Variants in NUP62CL observed in about 807,000 individuals in gnomAD.
NUP62CL encodes nucleoporin 62 C-terminal like.
NUP62CL carries 13 observed loss-of-function variants against 15.3 expected under a neutral mutation model. The ratio of observed to expected loss-of-function variants is 0.85; its 90% CI spans 0.55 to 1.35. The LOEUF is 1.35. Ranked by LOEUF, NUP62CL falls within the 40% of genes most tolerant of loss-of-function variation. The pLI is 0.00. For missense variants in NUP62CL, 123 were observed against 130.6 expected, an observed-to-expected ratio of 0.94 and a Z score of 0.28; for synonymous variants, 54 against 49.2, an observed-to-expected ratio of 1.10 and a Z score of -0.41.
chrX:107,143,242 T>C (rs755605126), intron 8 of NUP62CL, among the ~76,000 whole-genome samples: 2 of 111,981 alleles, frequency 1.8e-5, no homozygotes, highest in South Asian at 7.5e-4. Flanking sequence ...CACGCTTTTT[T>C]ATTAGACACA....
intron 2 of NUP62CL, among the ~76,000 whole-genome samples, chrX:107,179,747 T>G (rs1422664433): frequency 8.9e-6 from 1 of 112,074 alleles, no homozygotes; most frequent in African/African-American, 3.2e-5. Context: ...CAGCGTGGAA[T>G]TGCTAAGTCA....
chrX:107,155,532 G>A (rs1340282036), intron 4 of NUP62CL, among the ~76,000 whole-genome samples: 1 of 111,919 alleles, frequency 8.9e-6, no homozygotes, highest in African/African-American at 3.3e-5. Context: ...GGGCTAAGCG[G>A]GAAGCAGTTT....
rs1926102571 is a variant in NUP62CL at position 107,153,651 on chromosome X, T to C, written c.346-148A>G. 7.2e-6 allele frequency: 3 copies of C among 418,451 alleles called. No individual in the cohort carries two copies. The East Asian group carries it at 1.3e-4, about 18-fold the overall frequency. 34.5% of individuals were successfully genotyped at this position (418,451 alleles called of 1,213,427 possible). On this transcript the variant is annotated intron_variant, in intron 5 of 8. Transcript: ENST00000372466. ...ATTGCCTAAGGAATATACTTTGAGC[T>C]GCTCACCAATATTGGAATAGAAAAT...
At chrX:107,185,454 G>T (rs1454241318) in intron 2 of NUP62CL, among the ~76,000 whole-genome samples, 2 of 111,022 alleles carry the variant, frequency 1.8e-5, no homozygotes, top group Admixed American at 9.6e-5. Flanking sequence ...CATTACAAAT[G>T]GGGAAGGGTT....
rs1344945768 is a variant in NUP62CL, at chrX:107,178,667, A to G, written c.-47-3474T>C. On this transcript the variant is annotated intron_variant, in intron 2 of 8. Coordinates refer to ENST00000372466, the MANE Select transcript of NUP62CL (RefSeq NM_017681.3). ...CAACTGTCATGGTGACAAATGATGT[A>G]AGATTCTGCTATCCAAAACATCTAG... 3.6e-5 allele frequency among the ~76,000 whole-genome samples: 4 copies of G among 112,094 alleles called. No individual in the cohort carries two copies. In the South Asian group the frequency reaches 1.1e-3, roughly 31 times the overall value.
chrX:107,200,799 G>A (rs549348221), intron 1 of NUP62CL, among the ~76,000 whole-genome samples: 34 of 109,200 alleles, frequency 3.1e-4, no homozygotes, highest in African/African-American at 1.1e-3. Flanking sequence ...AGAGGAGAGA[G>A]AGTAAAATAC....
At chrX:107,188,185 G>A (rs1332369181) in intron 2 of NUP62CL, among the ~76,000 whole-genome samples, 1 of 111,811 alleles carries the variant, frequency 8.9e-6, no homozygotes, top group Non-Finnish European at 1.9e-5. Flanking sequence ...TATCCTTCAT[G>A]AACATAAATG....
intron 8 of NUP62CL, among the ~76,000 whole-genome samples, chrX:107,124,567 T>C (rs1180749670): frequency 1.8e-5 from 2 of 110,893 alleles, no homozygotes; most frequent in Non-Finnish European, 3.8e-5. Context: ...CAAATAACTG[T>C]CTAGTTGACA....
rs931855007 is a variant in NUP62CL, at chrX:107,147,727, A to T, written c.*42+16T>A. 3 of 1,027,416 alleles carry T rather than the reference A, an allele frequency of 2.9e-6. No homozygotes were observed. The highest frequency in any genetic ancestry group is 4.1e-6 in the Non-Finnish European group (3 of 728,135). The allele number at this position is 1,027,416 out of a possible 1,213,427, so 84.7% of individuals were successfully genotyped here. On this transcript the variant is annotated intron_variant, in intron 8 of 8. Coordinates refer to ENST00000372466, the MANE Select transcript of NUP62CL (RefSeq NM_017681.3). ...TTGCAATAAATACACAGAGTGGCATACAAGCAAACTCCCACCTGAATTCCG... is the reference window on the plus strand; with the variant it reads ...TTGCAATAAATACACAGAGTGGCATTCAAGCAAACTCCCACCTGAATTCCG...
At chrX:107,141,398 C>A (rs908752196) in intron 8 of NUP62CL, among the ~76,000 whole-genome samples, 1 of 112,094 alleles carries the variant, frequency 8.9e-6, no homozygotes, top group African/African-American at 3.2e-5. Context: ...ATTAACTGCA[C>A]TGGGAACAAC....
intron 8 of NUP62CL, among the ~76,000 whole-genome samples, chrX:107,137,805 T>G: frequency 8.9e-6 from 1 of 111,779 alleles, no homozygotes; most frequent in Non-Finnish European, 1.9e-5. Flanking sequence ...TCTCCCCAAA[T>G]TGATCTATAG....
At chrX:107,195,303 A>G (rs1053626268) in intron 1 of NUP62CL, among the ~76,000 whole-genome samples, 3 of 112,154 alleles carry the variant, frequency 2.7e-5, no homozygotes, top group African/African-American at 9.7e-5. Flanking sequence ...AATCTGATTT[A>G]CTATCTCCTC....
chrX:107,180,515 G>T (rs138914228), intron 2 of NUP62CL, among the ~76,000 whole-genome samples: 173 of 112,121 alleles, frequency 1.5e-3, no homozygotes, highest in African/African-American at 5.3e-3. Context: ...ACTGACTAAT[G>T]TGAAAACATT....
At chrX:107,164,757 T>C (rs1215874817) in intron 4 of NUP62CL, among the ~76,000 whole-genome samples, 1 of 112,620 alleles carries the variant, frequency 8.9e-6, no homozygotes, top group East Asian at 2.8e-4. Flanking sequence ...CCTGAATAGT[T>C]CTAGAACCAC....
At chrX:107,156,088 G>A (rs1179735328) in intron 4 of NUP62CL, among the ~76,000 whole-genome samples, 4 of 110,300 alleles carry the variant, frequency 3.6e-5, no homozygotes, top group Non-Finnish European at 5.7e-5. Flanking sequence ...AAAAAACGGC[G>A]CACGACGAGA....
At chrX:107,206,079 G>T (rs898800569) in intron 1 of NUP62CL, among the ~76,000 whole-genome samples, 194 bp downstream of exon 1, 2 of 110,639 alleles carry the variant, frequency 1.8e-5, no homozygotes, top group Non-Finnish European at 3.8e-5. Flanking sequence ...TGGGGGAGAC[G>T]TGAAAGGCTG....
chrX:107,129,963 C>T (rs1335616287), intron 8 of NUP62CL, among the ~76,000 whole-genome samples: 1 of 111,470 alleles, frequency 9.0e-6, no homozygotes, highest in Non-Finnish European at 1.9e-5. Flanking sequence ...CAAAATTAAA[C>T]TTATAGCAGA....
At chrX:107,135,022 T>C (rs1285567) in intron 8 of NUP62CL, among the ~76,000 whole-genome samples, 40,776 of 110,861 alleles carry the variant, frequency 0.37, 8,119 homozygotes, top group African/African-American at 0.77. Context: ...ATTATAGGCA[T>C]GTGCCACCAT....
intron 1 of NUP62CL, chrX:107,202,788 G>C (rs1927517131): frequency 9.5e-6 from 1 of 104,922 alleles, no homozygotes; most frequent in Admixed American, 1.0e-4. Flanking sequence ...TTGAGCCCAG[G>C]AGTTTGAGAC....
Sources: allele counts gnomAD v4.1 joint callset (sites outside exome capture counted in the v4.1 genomes callset), GRCh38; gene constraint gnomAD v4.1.1; transcripts MANE v1.5; gene names NCBI Gene and HGNC (gene_info 2026-07-23, HGNC 2026-07-21).